The following SPIRE1 variants were observed in gnomAD, a reference collection of about 807,000 sequenced individuals.
SPIRE1 encodes spire type actin nucleation factor 1.
In SPIRE1, 40 loss-of-function variants were observed where a neutral mutation model predicts 94.1. The observed-to-expected ratio is 0.43, with a 90% CI of 0.33 to 0.55. SPIRE1 has a LOEUF of 0.55. Ranked by LOEUF, SPIRE1 falls within the 20% of genes least tolerant of loss-of-function variation. The probability of loss-of-function intolerance (pLI) is 0.06; values close to 1 mark genes in which losing one functional copy is unlikely to be tolerated. For synonymous variants in SPIRE1, 376 were observed against 371.7 expected (o/e 1.01, Z -0.13); for missense variants, 838 against 975.2 (o/e 0.86, Z 1.87).
chr18:12,618,597 T>C (rs2037377247), intron 2 of SPIRE1, among the ~76,000 whole-genome samples: 1 of 152,188 alleles, frequency 6.6e-6, no homozygotes, highest in South Asian at 2.1e-4. Context: ...TATTCTAGAA[T>C]GTTGCTCTTC....
chr18:12,447,943 G>C lies in SPIRE1; in HGVS notation c.*1695C>G, dbSNP rs2031025533. 6.6e-6 allele frequency: 1 copy of C among 152,126 alleles called. No individual in the cohort carries two copies. The allele number at this position is 152,126 out of a possible 1,614,324, so 9.4% of individuals were successfully genotyped here. ...CTCCCACCTAACTGTCTGGAGTATA[G>C]AGTTCAGATAGTCTCTTAGGAAGTT... On this transcript the variant is annotated 3_prime_UTR_variant, in exon 17 of 17. Transcript: ENST00000409402.
chr18:12,536,463 G>C (rs564596182), intron 3 of SPIRE1, among the ~76,000 whole-genome samples: 10 of 152,070 alleles, frequency 6.6e-5, no homozygotes, highest in African/African-American at 2.4e-4. Context: ...TCCTTACTGG[G>C]TTCTGAAGCC....
intron 6 of SPIRE1, 100 bp from the exon 7 acceptor site, chr18:12,496,202 A>G (rs2033452881): frequency 1.3e-6 from 1 of 759,254 alleles, no homozygotes; most frequent in Non-Finnish European, 2.3e-6. Flanking sequence ...AAATTAGTGA[A>G]GTGTAATTAC....
chr18:12,556,179 T>G (rs563416218), intron 2 of SPIRE1, among the ~76,000 whole-genome samples: 2 of 152,188 alleles, frequency 1.3e-5, no homozygotes, highest in East Asian at 3.9e-4. Context: ...AATGGAAAGA[T>G]AGTCGATGTT....
intron 4 of SPIRE1, among the ~76,000 whole-genome samples, chr18:12,518,477 G>GC (rs35541215): frequency 0.11 from 16,540 of 150,280 alleles, 1,264 homozygotes; most frequent in Middle Eastern, 0.23. Context: ...GGGCAAAAGA[G>GC]CAAGACCCTG....
chr18:12,535,694 C>T (rs552331348), intron 3 of SPIRE1, 93 bp from the exon 4 acceptor site: 299 of 1,178,464 alleles, frequency 2.5e-4, no homozygotes, highest in Middle Eastern at 8.4e-4. Context: ...CAGTGGTTCA[C>T]GCCTGTAATC....
chr18:12,579,011 T>C (rs1176326555), intron 2 of SPIRE1, among the ~76,000 whole-genome samples: 1 of 152,186 alleles, frequency 6.6e-6, no homozygotes, highest in Admixed American at 6.5e-5. Context: ...CCGGCTTGCT[T>C]TGCAGAAACA....
intron 2 of SPIRE1, among the ~76,000 whole-genome samples, chr18:12,578,661 A>G (rs1342957523): frequency 3.9e-5 from 6 of 152,188 alleles, no homozygotes. Context: ...ACAGACTACC[A>G]GACTAGTAAT....
intron 2 of SPIRE1, chr18:12,588,296 T>C (rs2036441392): frequency 6.6e-6 from 1 of 152,582 alleles, no homozygotes; most frequent in South Asian, 2.1e-4. Context: ...AAAACTGCAT[T>C]AGAATTTTTC....
intron 4 of SPIRE1, among the ~76,000 whole-genome samples, chr18:12,531,573 A>T (rs1168541836): frequency 6.6e-6 from 1 of 152,204 alleles, no homozygotes; most frequent in Non-Finnish European, 1.5e-5. Context: ...ACTTACTTCT[A>T]TGTGAATCTC....
At chr18:12,639,018 A>C (rs1233522250) in intron 1 of SPIRE1, among the ~76,000 whole-genome samples, 2 of 152,238 alleles carry the variant, frequency 1.3e-5, no homozygotes, top group Middle Eastern at 3.4e-3. Context: ...ATATATCTCC[A>C]TTCCCACTTT....
chr18:12,616,333 C>T (rs935431498), intron 2 of SPIRE1, among the ~76,000 whole-genome samples: 4 of 152,154 alleles, frequency 2.6e-5, no homozygotes, highest in African/African-American at 9.7e-5. Context: ...CCACGTGATC[C>T]TCGACTCCAT....
intron 6 of SPIRE1, among the ~76,000 whole-genome samples, chr18:12,499,032 T>A (rs879676907): frequency 2.6e-5 from 4 of 152,144 alleles, no homozygotes; most frequent in Non-Finnish European, 5.9e-5. Context: ...CCACAAAGGG[T>A]TGGATTGCAG....
At chr18:12,574,917 T>A (rs2036054747) in intron 2 of SPIRE1, among the ~76,000 whole-genome samples, 1 of 152,120 alleles carries the variant, frequency 6.6e-6, no homozygotes, top group South Asian at 2.1e-4. Flanking sequence ...GGATAAGAAG[T>A]AAGAGGAACT....
chr18:12,482,584 T>C (rs2032883311), intron 9 of SPIRE1, among the ~76,000 whole-genome samples: 1 of 152,224 alleles, frequency 6.6e-6, no homozygotes, highest in African/African-American at 2.4e-5. Flanking sequence ...AAATTTTTAA[T>C]AGTACCGGGG....
chr18:12,659,937 A>T (rs1208492360), upstream of SPIRE1, among the ~76,000 whole-genome samples: 1 of 152,208 alleles, frequency 6.6e-6, no homozygotes, highest in Non-Finnish European at 1.5e-5. Flanking sequence ...TTGCTATTTC[A>T]AAAGTTTATC....
rs1421359751 is a variant in SPIRE1 at position 12,452,391 on chromosome 18, T to C, written c.1876A>G (p.Met626Val). 2 of 1,614,038 alleles carry C rather than the reference T, an allele frequency of 1.2e-6. No homozygotes were observed. The highest frequency in any genetic ancestry group is 1.7e-6 in the Non-Finnish European group (2 of 1,180,036). Residue 626 changes from methionine (M) to valine (V), a missense_variant and splice_region_variant, in exon 16 of 17, where the codon ATG (methionine) becomes GTG (valine). Met to Val is a conservative substitution (Grantham distance 21). This residue lies in a region of SPIRE1 where 645 missense variants were observed against 804.7 expected (regional missense o/e 0.80). Transcript: ENST00000409402. ...GAGTATGGTTTGGAGGGCAGCCGCA[T>C]CTATTATCCCAAATAAAACTGGCAA... ...RPVCSQCCKKMRLPSKPYSTL... is the reference protein window; with the variant it reads ...RPVCSQCCKKVRLPSKPYSTL...
At chr18:12,554,146 A>G (rs543718896) in intron 2 of SPIRE1, among the ~76,000 whole-genome samples, 14 of 152,198 alleles carry the variant, frequency 9.2e-5, no homozygotes, top group African/African-American at 3.4e-4. Flanking sequence ...TAAAAATACA[A>G]AAATTAGCTG....
At chr18:12,600,132 G>C (rs1422403234) in intron 2 of SPIRE1, among the ~76,000 whole-genome samples, 1 of 147,944 alleles carries the variant, frequency 6.8e-6, no homozygotes, top group African/African-American at 2.5e-5. Flanking sequence ...GAAGCCATCA[G>C]TTGTACCATC....
Sources: gnomAD v4.1 joint callset for allele counts (sites outside exome capture counted in the v4.1 genomes callset) on GRCh38, gnomAD v4.1.1 for gene constraint, gnomAD v4.1.1 regional missense constraint, MANE v1.5 for transcripts, NCBI Gene and HGNC (gene_info 2026-07-23, HGNC 2026-07-21) for gene names.